KCND2: variants seen among roughly 807,000 people sequenced by gnomAD.
KCND2 encodes the protein potassium voltage-gated channel subfamily D member 2.
Under a neutral mutation model 54.4 loss-of-function variants are expected in KCND2, and 16 were observed. The observed-to-expected ratio is 0.29, with a 90% CI of 0.20 to 0.45. The LOEUF (loss-of-function observed/expected upper bound fraction) is 0.45, where lower values mean the gene tolerates loss of function less well. KCND2 is among the 20% of genes least tolerant of loss of function. The pLI is 1.00. For missense variants in KCND2, 486 were observed against 824.2 expected (o/e 0.59, Z 5.02); for synonymous variants, 317 against 310.7 (o/e 1.02, Z -0.21).
intron 1 of KCND2, among the ~76,000 whole-genome samples, chr7:120,688,837 G>A (rs1475714097): frequency 6.6e-6 from 1 of 152,126 alleles, no homozygotes; most frequent in Non-Finnish European, 1.5e-5. Context: ...ACTTTTGTCT[G>A]TATTTCCCAG....
At chr7:120,715,260 G>A (rs539440550) in intron 1 of KCND2, among the ~76,000 whole-genome samples, 15 of 149,472 alleles carry the variant, frequency 1.0e-4, no homozygotes, top group East Asian at 9.8e-4. Context: ...GATTAATTCC[G>A]AAAAAAAAAT....
intron 1 of KCND2, among the ~76,000 whole-genome samples, chr7:120,352,459 TACACACACACACACAC>T (rs199700951): frequency 1.8e-4 from 26 of 148,112 alleles, no homozygotes; most frequent in East Asian, 3.9e-4. Flanking sequence ...CACACATACA[TACACACACACACACAC>T]ACACACACAC....
intron 1 of KCND2, among the ~76,000 whole-genome samples, chr7:120,614,016 ATTTT>A (rs763691698): frequency 7.1e-6 from 1 of 141,488 alleles, no homozygotes; most frequent in Non-Finnish European, 1.5e-5. Flanking sequence ...TCTTTGTTGG[ATTTT>A]TTTTTTTTTT....
At chr7:120,566,581 G>A (rs546846925) in intron 1 of KCND2, among the ~76,000 whole-genome samples, 1 of 152,148 alleles carries the variant, frequency 6.6e-6, no homozygotes, top group East Asian at 1.9e-4. Context: ...CCTGGGTTCA[G>A]GCAATCCTGC....
At chr7:120,674,808 T>C (rs1273468291) in intron 1 of KCND2, among the ~76,000 whole-genome samples, 1 of 152,226 alleles carries the variant, frequency 6.6e-6, no homozygotes, top group Non-Finnish European at 1.5e-5. Context: ...ATATTACTTA[T>C]ATTCTACCAG....
At chr7:120,630,721 TATTGAGTC>T (rs1165563748) in intron 1 of KCND2, among the ~76,000 whole-genome samples, 3 of 152,172 alleles carry the variant, frequency 2.0e-5, no homozygotes, top group Non-Finnish European at 4.4e-5. Context: ...GCTTAAAAGG[TATTGAGTC>T]ATGCTTTTCA....
At chr7:120,463,324 G>A (rs1802311745) in intron 1 of KCND2, among the ~76,000 whole-genome samples, 1 of 151,106 alleles carries the variant, frequency 6.6e-6, no homozygotes, top group African/African-American at 2.4e-5. Context: ...CTTCTTTAAA[G>A]TTATTTTAAG....
chr7:120,344,331 T>A (rs529442273), intron 1 of KCND2, among the ~76,000 whole-genome samples: 12 of 152,278 alleles, frequency 7.9e-5, no homozygotes, highest in African/African-American at 2.6e-4. Flanking sequence ...GATATTGTAG[T>A]AATGAGAGCA....
At position 120,523,702 on chromosome 7, in the gene KCND2, C is replaced by CACACTG. The variant is rs1491350289; in HGVS notation, c.1116-209201_1116-209200insACACTG. On this transcript the variant is annotated intron_variant, in intron 1 of 5. Coordinates refer to ENST00000331113, the MANE Select transcript of KCND2 (RefSeq NM_012281.3). ...ATACACAGATATACACACACACACA[C>CACACTG]TCTGTGTGTGTGTGTGTGTGTGTGT... 6.3e-3 allele frequency among the ~76,000 whole-genome samples: 699 copies of CACACTG among 110,998 alleles called. 9 individuals carry two copies. Among genetic ancestry groups the CACACTG allele is most frequent in the African/African-American group, 0.029 (669 of 23,070 alleles). 72.8% of individuals were successfully genotyped at this position (110,998 alleles called of 152,430 possible).
intron 1 of KCND2, among the ~76,000 whole-genome samples, chr7:120,458,372 A>G (rs549456163): frequency 6.6e-6 from 1 of 152,332 alleles, no homozygotes; most frequent in South Asian, 2.1e-4. Context: ...AGTTTTTGAT[A>G]CCAACCAAGA....
intron 1 of KCND2, among the ~76,000 whole-genome samples, chr7:120,470,162 TCTCA>T (rs1195875661): frequency 6.6e-6 from 1 of 152,136 alleles, no homozygotes; most frequent in Non-Finnish European, 1.5e-5. Context: ...GTACACAGTG[TCTCA>T]TGTTCCAAGA....
At chr7:120,599,388 T>C (rs908382680) in intron 1 of KCND2, among the ~76,000 whole-genome samples, 4 of 152,116 alleles carry the variant, frequency 2.6e-5, no homozygotes, top group African/African-American at 7.2e-5. Flanking sequence ...AAATCTTTTC[T>C]AGTATTGTAT....
At chr7:120,565,128 C>T (rs1044771973) in intron 1 of KCND2, among the ~76,000 whole-genome samples, 44 of 152,142 alleles carry the variant, frequency 2.9e-4, no homozygotes, top group Admixed American at 2.4e-3. Context: ...GATGTTTTCA[C>T]ATGACTGTTT....
chr7:120,326,661 ATAT>A (rs1165736809), intron 1 of KCND2, among the ~76,000 whole-genome samples: 8 of 152,120 alleles, frequency 5.3e-5, no homozygotes, highest in African/African-American at 1.7e-4. Flanking sequence ...ATCAAAATAA[ATAT>A]TAATATTTTT....
intron 1 of KCND2, among the ~76,000 whole-genome samples, chr7:120,418,794 C>T (rs1034507718): frequency 3.3e-5 from 5 of 152,142 alleles, no homozygotes; most frequent in Non-Finnish European, 5.9e-5. Flanking sequence ...AGCCCTCATC[C>T]GTACCCCACT....
chr7:120,323,523 C>T (rs1799926823), intron 1 of KCND2, among the ~76,000 whole-genome samples: 2 of 150,892 alleles, frequency 1.3e-5, no homozygotes. Flanking sequence ...TGTTCAATTC[C>T]CACCTATGAG....
chr7:120,468,599 A>G (rs149438166), intron 1 of KCND2, among the ~76,000 whole-genome samples: 64 of 152,188 alleles, frequency 4.2e-4, no homozygotes, highest in Non-Finnish European at 5.4e-4. Flanking sequence ...TCTGTAGGCT[A>G]TTTTTAGAAA....
chr7:120,358,155 G>T (rs984281503), intron 1 of KCND2, among the ~76,000 whole-genome samples: 3 of 152,126 alleles, frequency 2.0e-5, no homozygotes, highest in Non-Finnish European at 1.5e-5. Context: ...TATTCTGATA[G>T]AAATTAACTA....
Position 120,747,952 on chromosome 7 carries a change from T to G in KCND2, c.*94T>G. ...AAGAAACAATAAATATTCTGCAGAT[T>G]AATGCAGCAAAGAAAGAAGGTTGGT... On this transcript the variant is annotated 3_prime_UTR_variant, in exon 6 of 6. Transcript: ENST00000331113. 1 of 1,016,314 alleles carries G rather than the reference T, an allele frequency of 9.8e-7. No homozygotes were observed. The highest frequency in any genetic ancestry group is 1.5e-6 in the Non-Finnish European group (1 of 669,572). 63.0% of individuals were successfully genotyped at this position (1,016,314 alleles called of 1,614,324 possible). A position where few individuals can be genotyped will look rare whatever the true frequency, so the allele number is the denominator to read the frequency against.
Sources: allele counts gnomAD v4.1 joint callset (sites outside exome capture counted in the v4.1 genomes callset), GRCh38; gene constraint gnomAD v4.1.1; transcripts MANE v1.5; gene names NCBI Gene and HGNC (gene_info 2026-07-23, HGNC 2026-07-21).